Variants in LGALS9B observed in about 807,000 individuals in gnomAD.
LGALS9B encodes the protein galectin-9B.
In LGALS9B, 8 loss-of-function variants were observed where a neutral mutation model predicts 35.9. The ratio of observed to expected loss-of-function variants is 0.22; its 90% confidence interval spans 0.13 to 0.40. The LOEUF is 0.40. LGALS9B is among the 10% of genes least tolerant of loss of function. The probability of loss-of-function intolerance (pLI) is 1.00; values close to 1 mark genes in which losing one functional copy is unlikely to be tolerated. For synonymous variants in LGALS9B, 42 were observed against 148.6 expected, an observed-to-expected ratio of 0.28 and a Z score of 5.22; for missense variants, 101 against 397.9, an observed-to-expected ratio of 0.25 and a Z score of 6.35.
chr17:20,461,474 C>T (rs1178315642), intron 1 of LGALS9B, among the ~76,000 whole-genome samples: 1 of 151,690 alleles, frequency 6.6e-6, no homozygotes, highest in East Asian at 1.9e-4. Flanking sequence ...CGAAATGCCT[C>T]ATATCCGGTG....
intron 1 of LGALS9B, among the ~76,000 whole-genome samples, chr17:20,465,722 C>T (rs2142429163): frequency 8.2e-6 from 1 of 122,632 alleles, no homozygotes; most frequent in African/African-American, 3.2e-5. Context: ...TGAGGCCAGA[C>T]AAGAAGTGGG....
intron 4 of LGALS9B, among the ~76,000 whole-genome samples, chr17:20,456,230 C>T (rs2042689597): frequency 1.3e-5 from 2 of 150,984 alleles, no homozygotes. Flanking sequence ...CCACAGATGA[C>T]GAATGGCAGA....
At chr17:20,460,524 TG>T (rs2042720059) in intron 1 of LGALS9B, 81 bp from the exon 2 acceptor site, 1 of 1,466,968 alleles carries the variant, frequency 6.8e-7, no homozygotes, top group African/African-American at 1.5e-5. Context: ...GTGGCTGGCC[TG>T]GGTGTGACCG....
At chr17:20,450,996 C>T (rs1412164107) in intron 10 of LGALS9B, among the ~76,000 whole-genome samples, 1 of 151,574 alleles carries the variant, frequency 6.6e-6, no homozygotes, top group Non-Finnish European at 1.5e-5. Context: ...TTGCTTTCTG[C>T]GTGGCACTGT....
In LGALS9B at chr17:20,450,518, A is replaced by G. The variant is rs1324523076; in HGVS notation, c.925-399T>C. ...CTTTGCAATAGCTGACACTCTTAAC[A>G]CACATGCCATGTGTAAGGCACTGTC... is the stretch of plus-strand genomic sequence containing the variant. On this transcript the variant is annotated intron_variant, in intron 10 of 10. Coordinates refer to ENST00000423676, the MANE Select transcript of LGALS9B (RefSeq NM_001367292.2). Among the ~76,000 whole-genome samples the G allele has an allele frequency of 2.1e-5, 2 of 96,156 alleles. 1 individual carries two copies. The highest frequency in any genetic ancestry group is 2.1e-4 in the Admixed American group (2 of 9,446). The allele number at this position is 96,156 out of a possible 152,430, so 63.1% of individuals were successfully genotyped here. A position where few individuals can be genotyped will look rare whatever the true frequency, so the allele number is the denominator to read the frequency against.
intron 1 of LGALS9B, among the ~76,000 whole-genome samples, chr17:20,463,373 G>A (rs1567662495): frequency 2.4e-5 from 1 of 41,210 alleles, no homozygotes; most frequent in Non-Finnish European, 5.3e-5. Context: ...TTTTTGAAAA[G>A]ACCAGGTCTC....
chr17:20,465,563 A>G (rs1413023672), intron 1 of LGALS9B, among the ~76,000 whole-genome samples: 1 of 66,342 alleles, frequency 1.5e-5, no homozygotes, highest in East Asian at 4.5e-4. Flanking sequence ...TGGGATTTGA[A>G]CCCCAGCACC....
Position 20,455,544 on chromosome 17 carries a change from G to A in LGALS9B, c.445-146C>T, listed in dbSNP as rs544115815. On this transcript the variant is annotated intron_variant, in intron 4 of 10. Transcript: ENST00000423676. The stretch of plus-strand genomic sequence containing the variant: ...GTTAGGGCCACACGGAGGCGAGAGC[G>A]GAAAGGGCCAGGCTTCGGTGAGCAG... 2.1e-3 allele frequency: 2,085 copies of A among 1,013,986 alleles called. 422 individuals are homozygous for A. The highest frequency in any genetic ancestry group is 0.011 in the Middle Eastern group (30 of 2,776). 62.8% of individuals were successfully genotyped at this position (1,013,986 alleles called of 1,614,324 possible). A position where few individuals can be genotyped will look rare whatever the true frequency, so the allele number is the denominator to read the frequency against.
intron 8 of LGALS9B, 45 bp from the exon 9 acceptor site, chr17:20,451,928 G>C (rs2142409796): frequency 1.5e-6 from 2 of 1,358,014 alleles, no homozygotes; most frequent in South Asian, 1.2e-5. Flanking sequence ...AGCCAGGGCA[G>C]CCGCCACATG....
chr17:20,467,168 C>T (rs1379274435), intron 1 of LGALS9B, among the ~76,000 whole-genome samples: 1 of 144,106 alleles, frequency 6.9e-6, no homozygotes, highest in Non-Finnish European at 1.5e-5. Flanking sequence ...ACACCTCTTC[C>T]CCTGAGCGCA....
At position 20,451,599 on chromosome 17, in the gene LGALS9B, A is replaced by G. The variant is rs1366777279; in HGVS notation, c.806T>C (p.Met269Thr). Residue 269 changes from methionine (M) to threonine (T), a missense_variant, in exon 10 of 11, where the codon ATG (methionine) becomes ACG (threonine). Met to Thr is a moderately conservative substitution (Grantham distance 81). Transcript: ENST00000423676. ...AGCATTCTCATCAAAACGGGGGTTC[A>G]TGTGGAAGGCGATGTGGCTCCCAGA... is the stretch of plus-strand genomic sequence containing the variant. The part of the protein sequence containing the change: ...LCSGSHIAFH[M>T]NPRFDENAVV... 1 of 1,598,150 alleles carries G rather than the reference A, an allele frequency of 6.3e-7. No homozygotes were observed. Among genetic ancestry groups the G allele is most frequent in the Non-Finnish European group, 8.5e-7 (1 of 1,173,096 alleles).
At chr17:20,465,857 G>A (rs1421012262) in intron 1 of LGALS9B, among the ~76,000 whole-genome samples, 4 of 149,684 alleles carry the variant, frequency 2.7e-5, no homozygotes, top group African/African-American at 9.9e-5. Flanking sequence ...ATGGGTCACC[G>A]AGTGAGGCTC....
At position 20,451,886 on chromosome 17, in the gene LGALS9B, G is replaced by C. The variant is rs1462810024; in HGVS notation, c.673-3C>G. The C allele has an allele frequency of 7.2e-7, 1 of 1,398,300 alleles. No homozygotes were observed. The highest frequency in any genetic ancestry group is 2.3e-5 in the East Asian group (1 of 44,016). 86.6% of individuals were successfully genotyped at this position (1,398,300 alleles called of 1,614,324 possible). A position where few individuals can be genotyped will look rare whatever the true frequency, so the allele number is the denominator to read the frequency against. ...ATGGTGGTGATGAAAGGCATCGGCT[G>C]TCAGAAGGACGGGGACAGGTCAGCC... On this transcript the variant is annotated splice_polypyrimidine_tract_variant and splice_region_variant and intron_variant, in intron 8 of 10. Coordinates refer to ENST00000423676, the MANE Select transcript of LGALS9B (RefSeq NM_001367292.2).
At chr17:20,456,231 G>A (rs1206309232) in intron 4 of LGALS9B, among the ~76,000 whole-genome samples, 5 of 150,960 alleles carry the variant, frequency 3.3e-5, no homozygotes, top group South Asian at 2.1e-4. Flanking sequence ...CACAGATGAC[G>A]AATGGCAGAG....
At position 20,462,342 on chromosome 17, in the gene LGALS9B, T is replaced by C. The variant is rs1248907879; in HGVS notation, c.40-1899A>G. Among the ~76,000 whole-genome samples, 2 of 47,442 alleles carry C rather than the reference T, an allele frequency of 4.2e-5. 1 individual carries two copies. The highest frequency in any genetic ancestry group is 1.4e-4 in the African/African-American group (2 of 13,874). The allele number at this position is 47,442 out of a possible 152,430, so 31.1% of individuals were successfully genotyped here. On this transcript the variant is annotated intron_variant, in intron 1 of 10. Coordinates refer to ENST00000423676, the MANE Select transcript of LGALS9B (RefSeq NM_001367292.2). ...GGAGCAGAGTGATGGGTGTGTGTTG[T>C]TGATGGTACAATTCTCTCTGCATGT...
At chr17:20,461,394 C>T (rs1169222179) in intron 1 of LGALS9B, among the ~76,000 whole-genome samples, 2 of 152,036 alleles carry the variant, frequency 1.3e-5, no homozygotes, top group Admixed American at 6.6e-5. Flanking sequence ...TCACCACTGT[C>T]ACCCACCCCC....
intron 1 of LGALS9B, among the ~76,000 whole-genome samples, chr17:20,462,057 T>C (rs1231937471): frequency 3.5e-5 from 1 of 28,192 alleles, no homozygotes; most frequent in African/African-American, 1.3e-4. Flanking sequence ...CTTGGGAGGC[T>C]GAGGTGGGAG....
At chr17:20,457,723 C>T (rs1405959921) in intron 3 of LGALS9B, among the ~76,000 whole-genome samples, 1 of 148,236 alleles carries the variant, frequency 6.7e-6, no homozygotes. Flanking sequence ...CTGAGTTACC[C>T]ACCGGCTTCT....
intron 1 of LGALS9B, among the ~76,000 whole-genome samples, chr17:20,461,225 T>C (rs1454916750): frequency 6.6e-6 from 1 of 151,460 alleles, no homozygotes; most frequent in Non-Finnish European, 1.5e-5. Flanking sequence ...ATCCTAACTC[T>C]GCTGCTCCTG....
Sources: allele counts gnomAD v4.1 joint callset (sites outside exome capture counted in the v4.1 genomes callset), GRCh38; gene constraint gnomAD v4.1.1; transcripts MANE v1.5; gene names NCBI Gene and HGNC (gene_info 2026-07-23, HGNC 2026-07-21).